CCNC: variants seen among roughly 807,000 people sequenced by gnomAD.
CCNC encodes cyclin C, also known as cyclin-C.
A neutral mutation model predicts 50.0 loss-of-function variants in CCNC; 19 were observed. The observed-to-expected ratio is 0.38, with a 90% CI of 0.27 to 0.56. The LOEUF (loss-of-function observed/expected upper bound fraction) is 0.56, where lower values mean the gene tolerates loss of function less well. Ranked by LOEUF, CCNC falls within the 20% of genes least tolerant of loss-of-function variation. The pLI is 0.72. For missense variants in CCNC, 200 were observed against 327.1 expected, an observed-to-expected ratio of 0.61 and a Z score of 3.00; for synonymous variants, 93 against 103.7, an observed-to-expected ratio of 0.90 and a Z score of 0.63.
chr6:99,567,968 T>C lies in CCNC; in HGVS notation c.32+528A>G, dbSNP rs74452645. On this transcript the variant is annotated intron_variant, in intron 1 of 11. Coordinates refer to ENST00000520429, the MANE Select transcript of CCNC (RefSeq NM_005190.4). ...TATACCTTATCAATATAAAACTCCATCTAGACATAAAGTACGCGCAAGAAG... is the reference window on the plus strand; with the variant it reads ...TATACCTTATCAATATAAAACTCCACCTAGACATAAAGTACGCGCAAGAAG... 6.6e-3 allele frequency: 1,020 copies of C among 153,988 alleles called. 9 individuals carry two copies. Among genetic ancestry groups the C allele is most frequent in the South Asian group, 0.024 (117 of 4,934 alleles). 9.5% of individuals were successfully genotyped at this position (153,988 alleles called of 1,614,324 possible).
At chr6:99,559,168 C>G (rs953702221) in intron 4 of CCNC, among the ~76,000 whole-genome samples, 1 of 150,192 alleles carries the variant, frequency 6.7e-6, no homozygotes, top group Non-Finnish European at 1.5e-5. Flanking sequence ...ATAAGATAAA[C>G]CTTAATTAAT....
chr6:99,567,540 T>A (rs330871), intron 1 of CCNC, among the ~76,000 whole-genome samples: 4,181 of 152,286 alleles, frequency 0.027, 203 homozygotes, highest in African/African-American at 0.095. Context: ...ACTGAGTTCA[T>A]TGTTTCTTTT....
intron 1 of CCNC, chr6:99,567,113 G>A (rs1326881711): frequency 1.3e-5 from 3 of 223,048 alleles, no homozygotes; most frequent in Non-Finnish European, 2.8e-5. Context: ...TTTGAAAAGT[G>A]AAAACATATT....
chr6:99,543,436 T>C lies in CCNC; in HGVS notation c.*119A>G, dbSNP rs1801950070. ...TTATTTTGCAAAAATAAAATCACTT[T>C]CCAATATGCTTGACAGAAACAAGCT... is the stretch of plus-strand genomic sequence containing the variant. On this transcript the variant is annotated 3_prime_UTR_variant, in exon 12 of 12. Transcript: ENST00000520429. The C allele has an allele frequency of 2.8e-6, 3 of 1,068,634 alleles. No homozygotes were observed. Among genetic ancestry groups the C allele is most frequent in the South Asian group, 3.0e-5 (2 of 66,034 alleles). 66.2% of individuals were successfully genotyped at this position (1,068,634 alleles called of 1,614,324 possible). A position where few individuals can be genotyped will look rare whatever the true frequency, so the allele number is the denominator to read the frequency against.
At chr6:99,550,605 ATT>A in intron 7 of CCNC, 1 of 319,098 alleles carries the variant, frequency 3.1e-6, no homozygotes, top group South Asian at 7.9e-5. Context: ...GAAACCTCTT[ATT>A]AGCCTATAAA....
chr6:99,544,081 C>A (rs1230227977), intron 11 of CCNC: 1 of 1,366,022 alleles, frequency 7.3e-7, no homozygotes, highest in East Asian at 2.7e-5. Flanking sequence ...TACAGCAAAC[C>A]TTTATAAGTC....
chr6:99,568,790 C>T, upstream of CCNC: 1 of 1,116,688 alleles, frequency 9.0e-7, no homozygotes, highest in Non-Finnish European at 1.2e-6. Flanking sequence ...AGGTGCTGAC[C>T]CTTGGAGGTG....
At chr6:99,559,743 G>A (rs146881334) in intron 4 of CCNC, among the ~76,000 whole-genome samples, 1 of 132,388 alleles carries the variant, frequency 7.6e-6, no homozygotes, top group Admixed American at 8.1e-5. Context: ...TTTTTGAGAT[G>A]CAATCTTGCT....
intron 7 of CCNC, 71 bp from the exon 8 acceptor site, chr6:99,550,380 C>A: frequency 9.8e-7 from 1 of 1,016,072 alleles, no homozygotes; most frequent in South Asian, 1.5e-5. Flanking sequence ...TTATCATTAC[C>A]CAACTGATTT....
chr6:99,551,777 T>C, intron 6 of CCNC, 63 bp downstream of exon 6: 1 of 1,034,364 alleles, frequency 9.7e-7, no homozygotes, highest in Non-Finnish European at 1.3e-6. Flanking sequence ...TTTAGTCTAA[T>C]ATAAAATAGA....
At chr6:99,558,801 C>T (rs897295538) in intron 4 of CCNC, among the ~76,000 whole-genome samples, 1 of 152,138 alleles carries the variant, frequency 6.6e-6, no homozygotes, top group South Asian at 2.1e-4. Context: ...ATCTGAAATG[C>T]AAAATGTTCC....
chr6:99,553,812 G>C (rs528148224), intron 5 of CCNC, among the ~76,000 whole-genome samples: 2 of 152,168 alleles, frequency 1.3e-5, no homozygotes, highest in Non-Finnish European at 2.9e-5. Context: ...CCCAGTCTAT[G>C]GTACTTTCTT....
At chr6:99,561,829 G>A in intron 2 of CCNC, 148 bp from the exon 3 acceptor site, 2 of 510,260 alleles carry the variant, frequency 3.9e-6, no homozygotes, top group South Asian at 3.6e-5. Flanking sequence ...GAGTCACAGT[G>A]GTCTAATTCT....
intron 5 of CCNC, among the ~76,000 whole-genome samples, 184 bp from the exon 6 acceptor site, chr6:99,552,079 ACT>A (rs1362520448): frequency 4.6e-5 from 7 of 151,914 alleles, no homozygotes; most frequent in East Asian, 1.9e-4. Context: ...GGGGCAGGAC[ACT>A]CTACACAGCT....
At chr6:99,568,428 G>T in intron 1 of CCNC, 68 bp downstream of exon 1, 1 of 1,477,492 alleles carries the variant, frequency 6.8e-7, no homozygotes, top group Non-Finnish European at 9.4e-7. Context: ...GCCCAGGGGA[G>T]TCACAGGCCC....
At position 99,543,021 on chromosome 6, in the gene CCNC, T is replaced by C. The variant is rs948751602; in HGVS notation, c.*534A>G. On this transcript the variant is annotated 3_prime_UTR_variant, in exon 12 of 12. Transcript: ENST00000520429. ...CTACTGAATAAAATACACTTTTAAA[T>C]CAATATAGGTACTTGATTAATTTCC... 2.0e-5 allele frequency: 3 copies of C among 152,644 alleles called. No homozygotes were observed. The highest frequency in any genetic ancestry group is 2.1e-4 in the South Asian group (1 of 4,828). The allele number at this position is 152,644 out of a possible 1,614,324, so 9.5% of individuals were successfully genotyped here. A position where few individuals can be genotyped will look rare whatever the true frequency, so the allele number is the denominator to read the frequency against.
At chr6:99,544,357 GTAACAT>G in intron 11 of CCNC, 1 of 1,268,944 alleles carries the variant, frequency 7.9e-7, no homozygotes, top group African/African-American at 1.5e-5. Context: ...TTTCCAAATT[GTAACAT>G]TAACTTATGA....
Position 99,568,599 on chromosome 6 carries a change from C to T in CCNC, c.-72G>A. 1 of 1,578,976 alleles carries T rather than the reference C, an allele frequency of 6.3e-7. No individual in the cohort carries two copies. The highest frequency in any genetic ancestry group is 8.6e-7 in the Non-Finnish European group (1 of 1,163,836). On this transcript the variant is annotated 5_prime_UTR_variant, in exon 1 of 12. Transcript: ENST00000520429. ...CCGCGGAGCGACCATAGACCCAGCC[C>T]GTCCGGTAACCGCGCTCCTCGATCA...
At chr6:99,561,828 T>C (rs1474824817) in intron 2 of CCNC, 147 bp from the exon 3 acceptor site, 3 of 531,382 alleles carry the variant, frequency 5.6e-6, no homozygotes, top group South Asian at 6.5e-5. Flanking sequence ...TGAGTCACAG[T>C]GGTCTAATTC....
Sources: gnomAD v4.1 joint callset for allele counts (sites outside exome capture counted in the v4.1 genomes callset) on GRCh38, gnomAD v4.1.1 for gene constraint, MANE v1.5 for transcripts, NCBI Gene and HGNC (gene_info 2026-07-23, HGNC 2026-07-21) for gene names.